NXPE2: variants seen among roughly 807,000 people sequenced by gnomAD.
NXPE2 encodes NXPE family member 2.
Under a neutral mutation model 34.4 loss-of-function variants are expected in NXPE2, and 34 were observed. That is an observed-to-expected ratio of 0.99 (90% CI 0.75 to 1.31). The LOEUF (loss-of-function observed/expected upper bound fraction) is 1.31, where lower values mean the gene tolerates loss of function less well. Ranked by LOEUF, NXPE2 falls within the 40% of genes most tolerant of loss-of-function variation. The probability of loss-of-function intolerance (pLI) is 0.00; values close to 1 mark genes in which losing one functional copy is unlikely to be tolerated. For missense variants in NXPE2, 649 were observed against 672.5 expected, an observed-to-expected ratio of 0.97 and a Z score of 0.39; for synonymous variants, 235 against 231.3, an observed-to-expected ratio of 1.02 and a Z score of -0.15.
At chr11:114,680,787 A>G (rs746973959) in intron 2 of NXPE2, among the ~76,000 whole-genome samples, 5 of 152,152 alleles carry the variant, frequency 3.3e-5, no homozygotes, top group Non-Finnish European at 5.9e-5. Flanking sequence ...CTAACATTTG[A>G]GAATCTCTGC....
At chr11:114,475,724 A>G in the NXPE2 span, among the ~76,000 whole-genome samples, 2 of 152,102 alleles carry the variant, frequency 1.3e-5, no homozygotes, top group African/African-American at 2.4e-5. Flanking sequence ...AACCCCATTT[A>G]TGTTCAATTT....
chr11:114,667,141 G>A, the NXPE2 span, among the ~76,000 whole-genome samples: 1 of 152,214 alleles, frequency 6.6e-6, no homozygotes, highest in East Asian at 1.9e-4. Context: ...TATACATGAA[G>A]ATATTTACGT....
At chr11:114,521,765 A>T in the NXPE2 span, 1 of 501,332 alleles carries the variant, frequency 2.0e-6, no homozygotes, top group Non-Finnish European at 3.5e-6. Flanking sequence ...AGAACCAGGC[A>T]TGGTATAGTC....
At chr11:114,603,152 T>G in the NXPE2 span, among the ~76,000 whole-genome samples, 10 of 151,982 alleles carry the variant, frequency 6.6e-5, no homozygotes, top group Admixed American at 1.3e-4. Context: ...TTGCCTTGTC[T>G]CCTAGGTAAC....
At chr11:114,592,943 T>C in the NXPE2 span, among the ~76,000 whole-genome samples, 1 of 152,088 alleles carries the variant, frequency 6.6e-6, no homozygotes, top group Non-Finnish European at 1.5e-5. Context: ...GTATTTAAAA[T>C]AGATGGTGCT....
the NXPE2 span, among the ~76,000 whole-genome samples, chr11:114,638,881 G>A: frequency 1.5e-4 from 23 of 151,144 alleles, 1 homozygote; most frequent in African/African-American, 2.4e-5. Flanking sequence ...CCTACTGGGG[G>A]GTGCCTCCTA....
chr11:114,799,611 C>T, the NXPE2 span, among the ~76,000 whole-genome samples: 5 of 152,114 alleles, frequency 3.3e-5, no homozygotes, highest in South Asian at 2.1e-4. Context: ...GGAGACTTGC[C>T]GATGTGTTCT....
chr11:114,651,058 T>C, the NXPE2 span, among the ~76,000 whole-genome samples: 1 of 151,724 alleles, frequency 6.6e-6, no homozygotes, highest in South Asian at 2.1e-4. Flanking sequence ...AATAATATAA[T>C]AGCTAGCATA....
chr11:114,639,856 A>G, the NXPE2 span, among the ~76,000 whole-genome samples: 1 of 85,642 alleles, frequency 1.2e-5, no homozygotes, highest in Non-Finnish European at 2.0e-5. Context: ...AATATAATAT[A>G]TATTATATTT....
the NXPE2 span, among the ~76,000 whole-genome samples, chr11:114,514,890 A>G: frequency 6.6e-6 from 1 of 152,104 alleles, no homozygotes; most frequent in Non-Finnish European, 1.5e-5. Context: ...TCTTAAAAGC[A>G]AGTTTTAATA....
chr11:114,485,068 A>G, the NXPE2 span, among the ~76,000 whole-genome samples: 1 of 152,174 alleles, frequency 6.6e-6, no homozygotes, highest in African/African-American at 2.4e-5. Context: ...GTAACATAAT[A>G]GGTGTATGTA....
the NXPE2 span, among the ~76,000 whole-genome samples, chr11:114,768,314 C>T: frequency 1.3e-5 from 2 of 152,110 alleles, no homozygotes; most frequent in Admixed American, 1.3e-4. Context: ...GTTACTGTGG[C>T]CTTGTAGTAT....
the NXPE2 span, among the ~76,000 whole-genome samples, chr11:114,537,327 C>T: frequency 2.0e-5 from 3 of 152,144 alleles, no homozygotes; most frequent in Admixed American, 1.3e-4. Flanking sequence ...CAATATCATA[C>T]TGAATGGACA....
the NXPE2 span, among the ~76,000 whole-genome samples, chr11:114,607,496 C>T: frequency 6.7e-6 from 1 of 149,248 alleles, no homozygotes; most frequent in African/African-American, 2.5e-5. Context: ...CCATTACCGG[C>T]TGGATACTAA....
At chr11:114,729,431 T>C in the NXPE2 span, among the ~76,000 whole-genome samples, 2 of 152,180 alleles carry the variant, frequency 1.3e-5, no homozygotes, top group Non-Finnish European at 2.9e-5. Context: ...TACCCAGTAA[T>C]GGCATTGCTG....
chr11:114,571,474 C>G, the NXPE2 span: 2 of 1,592,508 alleles, frequency 1.3e-6, no homozygotes, highest in Non-Finnish European at 1.7e-6. Flanking sequence ...GACTTCAGTG[C>G]TGATAACAAA....
At chr11:114,515,605 G>A in the NXPE2 span, among the ~76,000 whole-genome samples, 5 of 152,118 alleles carry the variant, frequency 3.3e-5, no homozygotes, top group Non-Finnish European at 5.9e-5. Flanking sequence ...TGAAAGAAAA[G>A]GGAAGAAACA....
chr11:114,485,672 C>T, the NXPE2 span, among the ~76,000 whole-genome samples: 6 of 152,230 alleles, frequency 3.9e-5, no homozygotes, highest in East Asian at 7.7e-4. Flanking sequence ...TTCCCAGTGT[C>T]TGGTAACCAT....
chr11:114,697,494 A>G (rs1196840040), intron 2 of NXPE2, among the ~76,000 whole-genome samples: 1 of 152,230 alleles, frequency 6.6e-6, no homozygotes, highest in East Asian at 1.9e-4. Context: ...TGTTCTTTTA[A>G]GTCACTAAAT....
Sources: allele counts gnomAD v4.1 joint callset (sites outside exome capture counted in the v4.1 genomes callset), GRCh38; gene constraint gnomAD v4.1.1; transcripts MANE v1.5; gene names NCBI Gene and HGNC (gene_info 2026-07-23, HGNC 2026-07-21).